Variants in BTRC observed in about 807,000 individuals in gnomAD.
The protein encoded by BTRC is F-box/WD repeat-containing protein 1A.
Under a neutral mutation model 85.5 loss-of-function variants are expected in BTRC, and 42 were observed. That is an observed-to-expected ratio of 0.49 (90% CI 0.38 to 0.64). BTRC has a LOEUF of 0.64. Ranked by LOEUF, BTRC falls within the 30% of genes least tolerant of loss-of-function variation. The pLI, the probability that BTRC is intolerant of heterozygous loss-of-function variation, is 0.00. For synonymous variants in BTRC, 255 were observed against 263.3 expected (o/e 0.97, Z 0.30); for missense variants, 594 against 743.5 (o/e 0.80, Z 2.34).
At chr10:101,538,418 G>T (rs2062419163) in intron 13 of BTRC, 47 bp downstream of exon 13, 5 of 1,496,276 alleles carry the variant, frequency 3.3e-6, no homozygotes, top group Non-Finnish European at 4.7e-6. Flanking sequence ...GGTGGGGGAA[G>T]AAATTAAACG....
chr10:101,354,558 G>A (rs1328770767), intron 1 of BTRC: 1 of 369,700 alleles, frequency 2.7e-6, no homozygotes, highest in Non-Finnish European at 4.8e-6. Flanking sequence ...GAAGCTCTCT[G>A]GAGAAACGCC....
intron 3 of BTRC, among the ~76,000 whole-genome samples, chr10:101,474,314 G>A (rs529250625): frequency 6.6e-6 from 1 of 152,218 alleles, no homozygotes; most frequent in East Asian, 1.9e-4. Context: ...GTGTATTTTG[G>A]TTTTGCCCTT....
chr10:101,358,402 C>T (rs1184219661), intron 1 of BTRC, among the ~76,000 whole-genome samples: 1 of 152,144 alleles, frequency 6.6e-6, no homozygotes, highest in Non-Finnish European at 1.5e-5. Context: ...CTTGCCAAGC[C>T]ACGTTTATTT....
chr10:101,430,763 C>T (rs973916866), intron 2 of BTRC, among the ~76,000 whole-genome samples: 6 of 152,090 alleles, frequency 3.9e-5, no homozygotes, highest in African/African-American at 9.7e-5. Flanking sequence ...CAGTTCAATA[C>T]GTAATATTTG....
At chr10:101,395,747 A>C (rs1236441762) in intron 1 of BTRC, among the ~76,000 whole-genome samples, 3 of 152,150 alleles carry the variant, frequency 2.0e-5, no homozygotes, top group African/African-American at 7.2e-5. Flanking sequence ...GCTGTGATTA[A>C]AATTAAAATG....
At chr10:101,456,145 G>A (rs1335779006) in intron 2 of BTRC, among the ~76,000 whole-genome samples, 1 of 150,658 alleles carries the variant, frequency 6.6e-6, no homozygotes, top group Non-Finnish European at 1.5e-5. Context: ...CTCCAGCCTG[G>A]GTGACAGAAC....
At chr10:101,389,610 C>CTTTTTT (rs34480405) in intron 1 of BTRC, among the ~76,000 whole-genome samples, 6 of 62,520 alleles carry the variant, frequency 9.6e-5, no homozygotes, top group African/African-American at 2.0e-4. Flanking sequence ...TGCCAAACAC[C>CTTTTTT]TTTTTTTTTT....
At chr10:101,478,634 T>C (rs765413451) in intron 3 of BTRC, among the ~76,000 whole-genome samples, 46 of 150,938 alleles carry the variant, frequency 3.0e-4, no homozygotes, top group Non-Finnish European at 2.1e-4. Context: ...CTACAAAAAA[T>C]ACAAAAAATT....
chr10:101,390,940 A>G (rs1943223048), intron 1 of BTRC, among the ~76,000 whole-genome samples: 1 of 152,186 alleles, frequency 6.6e-6, no homozygotes, highest in Non-Finnish European at 1.5e-5. Flanking sequence ...TCATTTATGT[A>G]TTTTGAAACT....
intron 3 of BTRC, among the ~76,000 whole-genome samples, chr10:101,477,725 C>G (rs929075269): frequency 6.6e-6 from 1 of 152,098 alleles, no homozygotes; most frequent in Non-Finnish European, 1.5e-5. Context: ...TCTCAGCTCA[C>G]TACAACCTCC....
At position 101,554,631 on chromosome 10, in the gene BTRC, T is replaced by G. The variant is rs973761721; in HGVS notation, c.*1508T>G. On this transcript the variant is annotated 3_prime_UTR_variant, in exon 15 of 15. Transcript: ENST00000370187. ...CTGCCTTTTCTTCCTCCTCCTGACC[T>G]TATTTTGCTCTTCACTCTCCCCAGC... 3.6e-4 allele frequency: 55 copies of G among 152,644 alleles called. No individual in the cohort carries two copies. Among genetic ancestry groups the G allele is most frequent in the African/African-American group, 1.3e-3 (55 of 41,452 alleles). 9.5% of individuals were successfully genotyped at this position (152,644 alleles called of 1,614,324 possible). A position where few individuals can be genotyped will look rare whatever the true frequency, so the allele number is the denominator to read the frequency against.
intron 1 of BTRC, among the ~76,000 whole-genome samples, chr10:101,378,709 G>C (rs1234614452): frequency 6.6e-6 from 1 of 151,842 alleles, no homozygotes. Context: ...ATTTTTAGTG[G>C]AGATGGGGTT....
chr10:101,496,563 T>C (rs1376589717), intron 4 of BTRC, among the ~76,000 whole-genome samples: 1 of 152,088 alleles, frequency 6.6e-6, no homozygotes, highest in Non-Finnish European at 1.5e-5. Context: ...TTACTGACTT[T>C]TTTTAAAATT....
chr10:101,437,017 A>T (rs568883062), intron 2 of BTRC, among the ~76,000 whole-genome samples: 2 of 152,212 alleles, frequency 1.3e-5, no homozygotes, highest in Non-Finnish European at 2.9e-5. Context: ...AAACAATACC[A>T]TAAGGAAAAT....
intron 1 of BTRC, among the ~76,000 whole-genome samples, chr10:101,387,528 C>CTTTTTTGGTTTTTTTTTTTTTTTTTT (rs1943111257): frequency 2.2e-5 from 1 of 45,122 alleles, no homozygotes; most frequent in African/African-American, 1.5e-4. Flanking sequence ...CTTCATGGGA[C>CTTTTTTGGTTTTTTTTTTTTTTTTTT]TTTTTTTTTT....
At chr10:101,543,156 G>T (rs1369958533) in intron 13 of BTRC, among the ~76,000 whole-genome samples, 1 of 152,210 alleles carries the variant, frequency 6.6e-6, no homozygotes, top group African/African-American at 2.4e-5. Flanking sequence ...GGGATTACAG[G>T]CGTGAGCCAC....
chr10:101,477,099 C>T (rs1246702238), intron 3 of BTRC, among the ~76,000 whole-genome samples: 1 of 152,192 alleles, frequency 6.6e-6, no homozygotes, highest in African/African-American at 2.4e-5. Flanking sequence ...GCCTCAGCCT[C>T]CCGAGTAGCT....
At chr10:101,498,433 G>C (rs1003790562) in intron 4 of BTRC, among the ~76,000 whole-genome samples, 3 of 152,046 alleles carry the variant, frequency 2.0e-5, no homozygotes, top group Non-Finnish European at 4.4e-5. Context: ...GTGATTACAG[G>C]TGTGAGCCAC....
At chr10:101,369,665 T>A (rs1942576966) in intron 1 of BTRC, among the ~76,000 whole-genome samples, 1 of 152,196 alleles carries the variant, frequency 6.6e-6, no homozygotes, top group Non-Finnish European at 1.5e-5. Flanking sequence ...TCACAAGCCA[T>A]CATACTGGAC....
Sources: gnomAD v4.1 joint callset for allele counts (sites outside exome capture counted in the v4.1 genomes callset) on GRCh38, gnomAD v4.1.1 for gene constraint, MANE v1.5 for transcripts, NCBI Gene and HGNC (gene_info 2026-07-23, HGNC 2026-07-21) for gene names.